PRAMEF20: variants seen among roughly 807,000 people sequenced by gnomAD.
PRAMEF20 encodes the protein PRAME family member 20.
In PRAMEF20, 27 loss-of-function variants were observed where a neutral mutation model predicts 32.4. The ratio of observed to expected loss-of-function variants is 0.83; its 90% confidence interval spans 0.61 to 1.15. The LOEUF is 1.15. Among genes scored for constraint, PRAMEF20 ranks in the 50% most tolerant of loss-of-function variants. The pLI is 0.00. For missense variants in PRAMEF20, 604 were observed against 584.5 expected, an observed-to-expected ratio of 1.03 and a Z score of -0.34; for synonymous variants, 256 against 235.4, an observed-to-expected ratio of 1.09 and a Z score of -0.80.
exon 2 of PRAMEF20, chr1:13,418,138 G>T (rs1014437187): frequency 6.2e-7 from 1 of 1,612,554 alleles, no homozygotes; most frequent in Non-Finnish European, 8.5e-7. Context: ...GAAACTTCAA[G>T]TGCTGGATTT....
At position 13,417,404 on chromosome 1, in the gene PRAMEF20, G is replaced by C. The variant is rs1641188694; in HGVS notation, c.288-718G>C. Reference sequence around the variant, plus strand: ...CCACTGGAGCCAGGAAGTCCAGCTGGCCTCACCTCTGAACATGGTGAAACC... The same window carrying C: ...CCACTGGAGCCAGGAAGTCCAGCTGCCCTCACCTCTGAACATGGTGAAACC... On this transcript the variant is annotated intron_variant, in intron 1 of 2. Coordinates refer to ENST00000602960, the Ensembl canonical transcript of PRAMEF20. 4.6e-5 allele frequency among the ~76,000 whole-genome samples: 7 copies of C among 151,944 alleles called. No individual in the cohort carries two copies. In the South Asian group the frequency reaches 1.5e-3, roughly 32 times the overall value.
At chr1:13,418,019 CCGCCTTGGCCT>C in intron 1 of PRAMEF20, 92 bp from the exon 3 acceptor site, 1 of 1,593,622 alleles carries the variant, frequency 6.3e-7, no homozygotes, top group East Asian at 2.3e-5. Context: ...TGTGATCCGC[CCGCCTTGGCCT>C]CCCAAAGTGC....
upstream of PRAMEF20, among the ~76,000 whole-genome samples, chr1:13,412,328 T>G (rs1357866191): frequency 2.0e-5 from 3 of 152,134 alleles, no homozygotes; most frequent in Non-Finnish European, 4.4e-5. Context: ...TCACATTCTT[T>G]AATTTTCTCA....
chr1:13,418,647 G>A, exon 2 of PRAMEF20: 1 of 1,613,960 alleles, frequency 6.2e-7, no homozygotes, highest in Non-Finnish European at 8.5e-7. Flanking sequence ...GCCTCCAAAA[G>A]CTTTATATGA....
At position 13,418,082 on chromosome 1, in the gene PRAMEF20, G is replaced by A. The variant is rs937461257; in HGVS notation, c.288-40G>A. ...AGCCACTGAGCCCAGCCTCAGAAGTGAGTCCTTAAATTCTCAGCCTCTCTT... is the reference window on the plus strand; with the variant it reads ...AGCCACTGAGCCCAGCCTCAGAAGTAAGTCCTTAAATTCTCAGCCTCTCTT... On this transcript the variant is annotated intron_variant, in intron 1 of 2. Coordinates refer to ENST00000602960, the Ensembl canonical transcript of PRAMEF20. 24 of 1,611,768 alleles carry A rather than the reference G, an allele frequency of 1.5e-5. No individual in the cohort carries two copies. In the African/African-American group the frequency reaches 2.0e-4, roughly 13 times the overall value.
chr1:13,420,870 T>C (rs1045277628), exon 3 of PRAMEF20: 1 of 1,613,800 alleles, frequency 6.2e-7, no homozygotes, highest in African/African-American at 1.3e-5. Context: ...CTAGAAAAAG[T>C]TGCAGCCACC....
Position 13,418,655 on chromosome 1 carries a change from T to G in PRAMEF20, c.821T>G (p.Met274Arg), listed in dbSNP as rs1166473852. ...CTGCGCTGCCTCCAAAAGCTTTATA[T>G]GAACTCTGTTTCTTTCCTCGAAGGC... is the stretch of plus-strand genomic sequence containing the variant. The change falls in exon 2 of 3, where the codon ATG (methionine) becomes AGG (arginine). Residue 274 changes from methionine (M) to arginine (R), a missense_variant. Met to Arg is a moderately conservative substitution (Grantham distance 91, BLOSUM62 -1). Transcript: ENST00000602960. 60 of 1,613,858 alleles carry G rather than the reference T, an allele frequency of 3.7e-5. 1 individual carries two copies. Among genetic ancestry groups the G allele is most frequent in the Non-Finnish European group, 4.6e-5 (54 of 1,179,878 alleles).
At chr1:13,414,220 T>G (rs1641140266), upstream of PRAMEF20, among the ~76,000 whole-genome samples, 1 of 149,328 alleles carries the variant, frequency 6.7e-6, no homozygotes, top group Non-Finnish European at 1.5e-5. Flanking sequence ...TTTTTTTTTT[T>G]TTTTTTTTTT....
upstream of PRAMEF20, chr1:13,416,258 T>C: frequency 6.2e-7 from 1 of 1,603,228 alleles, no homozygotes. Flanking sequence ...GAGCAATGAC[T>C]TTGGCCCTGG....
At chr1:13,420,913 C>T (rs1467002250) in exon 3 of PRAMEF20, 7 of 1,613,700 alleles carry the variant, frequency 4.3e-6, no homozygotes, top group African/African-American at 2.7e-5. Flanking sequence ...ACTGTGGCAT[C>T]GTAGACTCCC....
At chr1:13,418,315 G>A (rs973369275) in exon 2 of PRAMEF20, 1 of 1,613,756 alleles carries the variant, frequency 6.2e-7, no homozygotes, top group African/African-American at 1.3e-5. Context: ...CAGGACTCTG[G>A]ATGAATACTT....
chr1:13,420,355 C>A (rs1234652459), intron 2 of PRAMEF20, among the ~76,000 whole-genome samples: 1 of 152,174 alleles, frequency 6.6e-6, no homozygotes, highest in East Asian at 1.9e-4. Context: ...GAATTACAGG[C>A]GCCCACCACC....
exon 3 of PRAMEF20, chr1:13,421,000 C>T: frequency 1.2e-6 from 2 of 1,613,902 alleles, no homozygotes; most frequent in South Asian, 2.2e-5. Context: ...ATCCCATCTC[C>T]ACGGCCACCC....
upstream of PRAMEF20, among the ~76,000 whole-genome samples, chr1:13,414,669 T>G (rs1217784586): frequency 6.6e-6 from 1 of 151,088 alleles, no homozygotes; most frequent in Non-Finnish European, 1.5e-5. Context: ...GTCACCATGG[T>G]GGCCAGGCTA....
intron 1 of PRAMEF20, among the ~76,000 whole-genome samples, chr1:13,417,464 A>G (rs974009405): frequency 4.6e-5 from 7 of 151,888 alleles, no homozygotes; most frequent in African/African-American, 1.7e-4. Flanking sequence ...TTAGCTGGGC[A>G]TGGTAGCAGA....
chr1:13,420,529 T>C (rs1446642744), intron 2 of PRAMEF20, among the ~76,000 whole-genome samples, 168 bp from the exon 4 acceptor site: 1 of 152,132 alleles, frequency 6.6e-6, no homozygotes, highest in African/African-American at 2.4e-5. Context: ...TTGACCTCAG[T>C]GGCAAAGCTC....
At position 13,421,193 on chromosome 1, in the gene PRAMEF20, G is replaced by A. The variant is rs1025498683; in HGVS notation, c.1363G>A (p.Asp455Asn). 1,024 of 1,613,928 alleles carry A rather than the reference G, an allele frequency of 6.3e-4. 7 individuals carry two copies. The African/African-American group carries it at 0.011, about 18-fold the overall frequency. The change falls in exon 3 of 3, where the codon GAC becomes AAC. Residue 455 changes from aspartate (D) to asparagine (N), a missense_variant. Physicochemically the swap from Asp to Asn is conservative, Grantham distance 23. Transcript: ENST00000602960. ...GCCCGAGAGGATCTTGTTCTGTACCGACTACTGCCCTCAGTGTGGCAACAG... is the reference window on the plus strand; with the variant it reads ...GCCCGAGAGGATCTTGTTCTGTACCAACTACTGCCCTCAGTGTGGCAACAG...
exon 3 of PRAMEF20, chr1:13,421,305 C>T: frequency 1.9e-6 from 3 of 1,612,852 alleles, no homozygotes; most frequent in Non-Finnish European, 2.5e-6. Context: ...TTTCTGAACA[C>T]TTGAAAACTA....
At chr1:13,411,696 T>C (rs150873584), upstream of PRAMEF20, among the ~76,000 whole-genome samples, 15,130 of 152,270 alleles carry the variant, frequency 0.099, 832 homozygotes, top group Non-Finnish European at 0.13. Flanking sequence ...ATTCCATTTC[T>C]TAATAATATC....
Sources: gnomAD v4.1 joint callset for allele counts (sites outside exome capture counted in the v4.1 genomes callset) on GRCh38, gnomAD v4.1.1 for gene constraint, MANE v1.5 for transcripts, NCBI Gene and HGNC (gene_info 2026-07-23, HGNC 2026-07-21) for gene names.